Variants in HEPACAM2 observed in about 807,000 individuals in gnomAD.
HEPACAM2 encodes HEPACAM family member 2.
HEPACAM2 carries 49 observed loss-of-function variants against 49.6 expected under a neutral mutation model. The ratio of observed to expected loss-of-function variants is 0.99; its 90% CI spans 0.78 to 1.25. The LOEUF (loss-of-function observed/expected upper bound fraction) is 1.25, where lower values mean the gene tolerates loss of function less well. Ranked by LOEUF, HEPACAM2 falls within the 50% of genes most tolerant of loss-of-function variation. The pLI, the probability that HEPACAM2 is intolerant of heterozygous loss-of-function variation, is 0.00. For synonymous variants in HEPACAM2, 197 were observed against 202.9 expected (o/e 0.97, Z 0.25); for missense variants, 525 against 557.2 (o/e 0.94, Z 0.58).
chr7:93,203,860 A>T (rs1054890323), intron 4 of HEPACAM2, among the ~76,000 whole-genome samples: 2 of 152,090 alleles, frequency 1.3e-5, no homozygotes, highest in Non-Finnish European at 2.9e-5. Context: ...TCCGGAGATG[A>T]AGGTGCCACG....
intron 2 of HEPACAM2, 140 bp downstream of exon 2, chr7:93,218,961 T>A: frequency 1.6e-6 from 1 of 644,522 alleles, no homozygotes; most frequent in South Asian, 1.9e-5. Context: ...ATTAGTGCCA[T>A]GAGATATTGA....
At position 93,192,515 on chromosome 7, in the gene HEPACAM2, A is replaced by T. The variant is rs529013206; in HGVS notation, c.1276-152T>A. 970 of 619,348 alleles carry T rather than the reference A, an allele frequency of 1.6e-3. 2 individuals carry two copies. Among genetic ancestry groups the T allele is most frequent in the South Asian group, 4.9e-3 (251 of 51,090 alleles). The allele number at this position is 619,348 out of a possible 1,614,324, so 38.4% of individuals were successfully genotyped here. ...AGAAAGTTGACTTCCTCCTTGCTAC[A>T]CTTTTCTGCACTTACCCTATGGCAG... On this transcript the variant is annotated intron_variant, in intron 8 of 9. Transcript: ENST00000394468.
intron 8 of HEPACAM2, among the ~76,000 whole-genome samples, chr7:93,193,630 G>C (rs969577483): frequency 2.0e-5 from 3 of 151,906 alleles, no homozygotes; most frequent in Non-Finnish European, 2.9e-5. Flanking sequence ...TTTGAGTCAG[G>C]GTCTCGCTAT....
chr7:93,230,586 G>C (rs986317395), upstream of HEPACAM2, among the ~76,000 whole-genome samples: 1 of 152,166 alleles, frequency 6.6e-6, no homozygotes, highest in Admixed American at 6.5e-5. Context: ...TGCCTTGAGC[G>C]CAACAATCAA....
chr7:93,207,514 G>A (rs1187531735), intron 4 of HEPACAM2, among the ~76,000 whole-genome samples: 5 of 151,824 alleles, frequency 3.3e-5, no homozygotes, highest in African/African-American at 1.2e-4. Flanking sequence ...AAAGAAATAA[G>A]TAAAGAAAGG....
At chr7:93,225,910 C>T in intron 1 of HEPACAM2, 1 of 1,432,362 alleles carries the variant, frequency 7.0e-7, no homozygotes, top group Non-Finnish European at 9.3e-7. Flanking sequence ...TAAGATGAGA[C>T]AGATAACTTA....
rs1258810941 is a variant in HEPACAM2, at chr7:93,208,617, T to A, written c.975A>T (p.Gln325His). Reference protein sequence around the residue: ...CCAYNNITGRQDETHFTVIIT... With the variant: ...CCAYNNITGRHDETHFTVIIT... ...TGATAACTGTGAAATGAGTTTCATC[T>A]TGCCTGCCGGTTATGTTGTTGTAAG... is the stretch of plus-strand genomic sequence containing the variant. Residue 325 changes from glutamine to histidine, a missense_variant, in exon 4 of 10, where the codon CAA (glutamine) becomes CAT (histidine). Coordinates refer to ENST00000394468, the MANE Select transcript of HEPACAM2 (RefSeq NM_001039372.4). 6.2e-7 allele frequency: 1 copy of A among 1,613,018 alleles called. No individual in the cohort carries two copies. Among genetic ancestry groups the A allele is most frequent in the South Asian group, 1.1e-5 (1 of 91,002 alleles).
chr7:93,227,670 G>T (rs1474400187), upstream of HEPACAM2, among the ~76,000 whole-genome samples: 1 of 152,030 alleles, frequency 6.6e-6, no homozygotes, highest in Non-Finnish European at 1.5e-5. Context: ...CAGAAAAATG[G>T]CAAGAGCTCC....
intron 4 of HEPACAM2, among the ~76,000 whole-genome samples, chr7:93,201,700 T>C (rs2116655094): frequency 6.6e-6 from 1 of 152,204 alleles, no homozygotes; most frequent in South Asian, 2.1e-4. Flanking sequence ...AGCCCAAATC[T>C]ACTCAGTTCT....
rs1345729713 is a variant in HEPACAM2, at chr7:93,189,291, A to T, written c.1386-21T>A. 4 of 1,572,128 alleles carry T rather than the reference A, an allele frequency of 2.5e-6. No individual in the cohort carries two copies. The African/African-American group carries it at 5.5e-5, about 22-fold the overall frequency. On this transcript the variant is annotated intron_variant, in intron 9 of 9. Coordinates refer to ENST00000394468, the MANE Select transcript of HEPACAM2 (RefSeq NM_001039372.4). The stretch of plus-strand genomic sequence containing the variant: ...TTCACCTAGTGAAGAGATATACAAA[A>T]TATGTAAACAGTTCTATAGATTTTT...
upstream of HEPACAM2, among the ~76,000 whole-genome samples, chr7:93,228,698 T>C (rs1794581193): frequency 6.6e-6 from 1 of 152,220 alleles, no homozygotes; most frequent in Non-Finnish European, 1.5e-5. Context: ...TTTACCAATC[T>C]TAGTTATATT....
rs1020136065 is a variant in HEPACAM2, at chr7:93,226,402, C to A, written c.45G>T (p.Gly15=). Residue 15 remains glycine (G), a synonymous_variant, in exon 1 of 10, where the codon GGG becomes GGT. Transcript: ENST00000394468. ...GGAGGTATATTTTGCACTGAAAGAC[C>A]CCAAGTGTGTCACCGAAGGGCTCCA... The part of the protein sequence containing the change: ...AFMEPFGDTL[G]VFQCKIYLLL... 3.7e-6 allele frequency: 6 copies of A among 1,613,364 alleles called. No homozygotes were observed. The highest frequency in any genetic ancestry group is 4.2e-6 in the Non-Finnish European group (5 of 1,179,626).
At chr7:93,206,526 T>C (rs1283934964) in intron 4 of HEPACAM2, among the ~76,000 whole-genome samples, 3 of 152,100 alleles carry the variant, frequency 2.0e-5, no homozygotes, top group Non-Finnish European at 4.4e-5. Context: ...TATTATTATC[T>C]ACTGCCCAAA....
At chr7:93,201,545 C>A (rs1234399286) in intron 4 of HEPACAM2, among the ~76,000 whole-genome samples, 2 of 151,926 alleles carry the variant, frequency 1.3e-5, no homozygotes, top group Non-Finnish European at 2.9e-5. Context: ...TTCTATGATA[C>A]AATAATTAGT....
chr7:93,209,591 A>T (rs1355965347), intron 3 of HEPACAM2, among the ~76,000 whole-genome samples: 1 of 151,158 alleles, frequency 6.6e-6, no homozygotes, highest in Non-Finnish European at 1.5e-5. Flanking sequence ...ACTTTTGGCT[A>T]CCCCCCACCA....
At chr7:93,216,286 A>C (rs1794306256) in intron 2 of HEPACAM2, among the ~76,000 whole-genome samples, 1 of 152,200 alleles carries the variant, frequency 6.6e-6, no homozygotes, top group Non-Finnish European at 1.5e-5. Context: ...TATGTTAGGC[A>C]CTTTAACAAA....
At chr7:93,222,134 G>C (rs1019066342) in intron 1 of HEPACAM2, among the ~76,000 whole-genome samples, 7 of 152,120 alleles carry the variant, frequency 4.6e-5, no homozygotes, top group South Asian at 4.1e-4. Context: ...CTGACAGTCG[G>C]GGTGAAACTC....
chr7:93,195,386 T>C (rs1793685457), intron 8 of HEPACAM2, among the ~76,000 whole-genome samples: 1 of 151,922 alleles, frequency 6.6e-6, no homozygotes, highest in Non-Finnish European at 1.5e-5. Flanking sequence ...ATAACCATGC[T>C]TGGCTAATTT....
Position 93,219,330 on chromosome 7 carries a change from T to C in HEPACAM2, c.201A>G (p.Ile67Met). Reference sequence around the variant, plus strand: ...TTGTGTGGGGTCTCTCAAATAGCCATATGATCTGGATGTCTGATGCTGGAG... The same window carrying C: ...TTGTGTGGGGTCTCTCAAATAGCCACATGATCTGGATGTCTGATGCTGGAG... Reference protein sequence around the residue: ...FHTPASDIQIIWLFERPHTMP... With the variant: ...FHTPASDIQIMWLFERPHTMP... The change falls in exon 2 of 10, where the codon ATA (isoleucine) becomes ATG (methionine). Residue 67 changes from isoleucine (I) to methionine (M), a missense_variant. Ile to Met is a conservative substitution (Grantham distance 10). Transcript: ENST00000394468. The C allele has an allele frequency of 6.2e-7, 1 of 1,613,982 alleles. No homozygotes were observed. Among genetic ancestry groups the C allele is most frequent in the Middle Eastern group, 1.6e-4 (1 of 6,062 alleles).
Sources: allele counts gnomAD v4.1 joint callset (sites outside exome capture counted in the v4.1 genomes callset), GRCh38; gene constraint gnomAD v4.1.1; transcripts MANE v1.5; gene names NCBI Gene and HGNC (gene_info 2026-07-23, HGNC 2026-07-21).